Variants in ASB18 observed in about 807,000 individuals in gnomAD.
ASB18 encodes the protein ankyrin repeat and SOCS box protein 18.
Under a neutral mutation model 33.4 loss-of-function variants are expected in ASB18, and 33 were observed. The observed-to-expected ratio is 0.99, with a 90% CI of 0.75 to 1.32. ASB18 has a LOEUF of 1.32. ASB18 is among the 40% of genes most tolerant of loss of function. The pLI is 0.00. For synonymous variants in ASB18, 295 were observed against 307.6 expected, an observed-to-expected ratio of 0.96 and a Z score of 0.43; for missense variants, 694 against 655.5, an observed-to-expected ratio of 1.06 and a Z score of -0.64.
At chr2:236,202,794 A>AAAAAAAT (rs1553599229) in intron 4 of ASB18, among the ~76,000 whole-genome samples, 1 of 117,692 alleles carries the variant, frequency 8.5e-6, no homozygotes, top group Admixed American at 8.6e-5. Flanking sequence ...AAAAAAAAAA[A>AAAAAAAT]ATATATATAT....
In ASB18 at chr2:236,264,224, G is replaced by A. The variant is rs114032546; in HGVS notation, c.122C>T (p.Thr41Met). Residue 41 changes from threonine (T) to methionine (M), a missense_variant, in exon 1 of 6, where the codon ACG becomes ATG. Transcript: ENST00000409749. The surrounding 1 kb of genome is among the most constrained non-coding windows in gnomAD (Gnocchi z 5.1). ...RVRDLICTEI[T>M]PVDAVIELAN... Reference sequence around the variant, plus strand: ...CAGTTCTATCACAGCGTCCACAGGCGTGATTTCAGTGCAGATTAAATCCCT... The same window carrying A: ...CAGTTCTATCACAGCGTCCACAGGCATGATTTCAGTGCAGATTAAATCCCT... The A allele has an allele frequency of 1.2e-3, 1,961 of 1,613,908 alleles. 22 individuals are homozygous for A. In the African/African-American group the frequency reaches 0.023, roughly 19 times the overall value.
At chr2:236,236,736 G>A (rs539011614) in intron 3 of ASB18, among the ~76,000 whole-genome samples, 1 of 152,234 alleles carries the variant, frequency 6.6e-6, no homozygotes, top group South Asian at 2.1e-4. Context: ...AGGACATCCA[G>A]GCAACTTTGA....
chr2:236,243,202 C>T (rs1171361726), intron 1 of ASB18, among the ~76,000 whole-genome samples: 5 of 150,978 alleles, frequency 3.3e-5, no homozygotes, highest in South Asian at 2.1e-4. Context: ...TGGTGGTGGG[C>T]GCCTGTAGTC....
In ASB18 at chr2:236,251,360, T is replaced by C. The variant is rs2060668493; in HGVS notation, c.206-9958A>G. Among the ~76,000 whole-genome samples the C allele has an allele frequency of 6.6e-6, 1 of 152,220 alleles. No individual in the cohort carries two copies. Among genetic ancestry groups the C allele is most frequent in the African/African-American group, 2.4e-5 (1 of 41,460 alleles). ...AGCGTATCATTGAAGCTCTCCCTGA[T>C]AAAGGTGACGAAGTTTCTTTACAAC... On this transcript the variant is annotated intron_variant, in intron 1 of 5. Transcript: ENST00000409749. This position sits in a 1 kb window ranked among gnomAD's most constrained non-coding sequence, Gnocchi z 5.3.
At position 236,200,038 on chromosome 2, in the gene ASB18, C is replaced by G. The variant is rs943270536; in HGVS notation, c.1102-3653G>C. Among the ~76,000 whole-genome samples, 13 of 152,058 alleles carry G rather than the reference C, an allele frequency of 8.5e-5. No individual in the cohort carries two copies. The highest frequency in any genetic ancestry group is 3.1e-4 in the African/African-American group (13 of 41,414). Reference sequence around the variant, plus strand: ...AATTTAGCATTGCATAGATAACAGTCAAGGTCCATTAGAAAAGAGATGGAG... The same window carrying G: ...AATTTAGCATTGCATAGATAACAGTGAAGGTCCATTAGAAAAGAGATGGAG... On this transcript the variant is annotated intron_variant, in intron 4 of 5. Coordinates refer to ENST00000409749, the MANE Select transcript of ASB18 (RefSeq NM_212556.4). This position sits in a 1 kb window ranked among gnomAD's most constrained non-coding sequence, Gnocchi z 4.2.
rs148762047 is a variant in ASB18, at chr2:236,263,620, A to C, written c.205+521T>G. Among the ~76,000 whole-genome samples, 1,633 of 152,330 alleles carry C rather than the reference A, an allele frequency of 0.011. 15 individuals are homozygous for C. The highest frequency in any genetic ancestry group is 0.031 in the Middle Eastern group (9 of 294). The stretch of plus-strand genomic sequence containing the variant: ...GAATTTATGGTAAGGATATAATCCC[A>C]AAAAAGAAAAAAGCCGTATGAATCC... On this transcript the variant is annotated intron_variant, in intron 1 of 5. Coordinates refer to ENST00000409749, the MANE Select transcript of ASB18 (RefSeq NM_212556.4). The surrounding 1 kb of genome is among the most constrained non-coding windows in gnomAD (Gnocchi z 4.0).
At chr2:236,243,307 G>A (rs2060630472) in intron 1 of ASB18, among the ~76,000 whole-genome samples, 1 of 142,040 alleles carries the variant, frequency 7.0e-6, no homozygotes, top group African/African-American at 2.7e-5. Flanking sequence ...TCCAGCCTGG[G>A]CAACAGAGCG....
rs1553602177 is a variant in ASB18, at chr2:236,252,267, T to TGTCACACA, written c.206-10866_206-10865insTGTGTGAC. On this transcript the variant is annotated intron_variant, in intron 1 of 5. Transcript: ENST00000409749. The surrounding 1 kb of genome is among the most constrained non-coding windows in gnomAD (Gnocchi z 7.9). Reference sequence around the variant, plus strand: ...GCCTTGGCAACAGAGTGAGACTCCGTCACACACACACACACACACACACAC... The same window carrying TGTCACACA: ...GCCTTGGCAACAGAGTGAGACTCCGTGTCACACACACACACACACACACACACACACAC... 7.2e-6 allele frequency among the ~76,000 whole-genome samples: 1 copy of TGTCACACA among 138,580 alleles called. No homozygotes were observed. Among genetic ancestry groups the TGTCACACA allele is most frequent in the Admixed American group, 7.4e-5 (1 of 13,498 alleles). 90.9% of individuals were successfully genotyped at this position (138,580 alleles called of 152,430 possible).
In ASB18 at chr2:236,253,552, T is replaced by C. The variant is rs979810538; in HGVS notation, c.205+10589A>G. 1.3e-5 allele frequency among the ~76,000 whole-genome samples: 2 copies of C among 151,492 alleles called. No homozygotes were observed. Among genetic ancestry groups the C allele is most frequent in the Admixed American group, 6.6e-5 (1 of 15,202 alleles). Reference sequence around the variant, plus strand: ...CTGGTTAACTTATTATTATTATTATTATTATTATTATTGTGGTGGGAGATG... The same window carrying C: ...CTGGTTAACTTATTATTATTATTATCATTATTATTATTGTGGTGGGAGATG... On this transcript the variant is annotated intron_variant, in intron 1 of 5. Transcript: ENST00000409749. This position sits in a 1 kb window ranked among gnomAD's most constrained non-coding sequence, Gnocchi z 5.4.
chr2:236,209,619 C>G lies in ASB18; in HGVS notation c.1101+4743G>C, dbSNP rs1198815444. On this transcript the variant is annotated intron_variant, in intron 4 of 5. Coordinates refer to ENST00000409749, the MANE Select transcript of ASB18 (RefSeq NM_212556.4). This position sits in a 1 kb window ranked among gnomAD's most constrained non-coding sequence, Gnocchi z 4.4. ...TCCCCCATGCAAGCTATGTGAATCC[C>G]TTACCTGGACTGCCACCACAGCCTG... Among the ~76,000 whole-genome samples the G allele has an allele frequency of 6.6e-6, 1 of 152,214 alleles. No individual in the cohort carries two copies. The highest frequency in any genetic ancestry group is 1.5e-5 in the Non-Finnish European group (1 of 68,038).
At chr2:236,247,071 T>G (rs544210089) in intron 1 of ASB18, among the ~76,000 whole-genome samples, 2 of 151,334 alleles carry the variant, frequency 1.3e-5, no homozygotes, top group South Asian at 4.2e-4. Context: ...AACAGCTTCC[T>G]AAGTATCCAA....
chr2:236,205,542 C>T lies in ASB18; in HGVS notation c.1101+8820G>A. On this transcript the variant is annotated intron_variant, in intron 4 of 5. Transcript: ENST00000409749. This position sits in a 1 kb window ranked among gnomAD's most constrained non-coding sequence, Gnocchi z 5.4. The stretch of plus-strand genomic sequence containing the variant: ...GTTGATCATGCTCAATATTTAATGC[C>T]TGTCTTCCCCATTAGAATGTAAGCT... Among the ~76,000 whole-genome samples, 1 of 152,226 alleles carries T rather than the reference C, an allele frequency of 6.6e-6. No homozygotes were observed. Among genetic ancestry groups the T allele is most frequent in the African/African-American group, 2.4e-5 (1 of 41,456 alleles).
intron 1 of ASB18, among the ~76,000 whole-genome samples, chr2:236,258,173 C>T (rs1347713624): frequency 1.2e-4 from 18 of 152,278 alleles, no homozygotes; most frequent in Non-Finnish European, 2.4e-4. Context: ...GGCCTTCCTT[C>T]GAAGGCAGGG....
In ASB18 at chr2:236,250,323, A is replaced by G. The variant is rs996159264; in HGVS notation, c.206-8921T>C. On this transcript the variant is annotated intron_variant, in intron 1 of 5. Coordinates refer to ENST00000409749, the MANE Select transcript of ASB18 (RefSeq NM_212556.4). The surrounding 1 kb of genome is among the most constrained non-coding windows in gnomAD (Gnocchi z 4.1). ...TCCATGCCTTCAAGCCAAGAGGTAG[A>G]ATTTTTGAGGCTGCAGGACACCCTG... 6.6e-6 allele frequency: 1 copy of G among 152,208 alleles called. No homozygotes were observed. The highest frequency in any genetic ancestry group is 2.4e-5 in the African/African-American group (1 of 41,456). The allele number at this position is 152,208 out of a possible 1,614,324, so 9.4% of individuals were successfully genotyped here.
intron 3 of ASB18, among the ~76,000 whole-genome samples, chr2:236,230,059 A>G (rs73115980): frequency 0.042 from 6,448 of 152,118 alleles, 260 homozygotes; most frequent in African/African-American, 0.11. Context: ...GACACAGGTG[A>G]TAGAATTAGT....
rs539476127 is a variant in ASB18, at chr2:236,196,715, G to C, written c.1102-330C>G. On this transcript the variant is annotated intron_variant, in intron 4 of 5. Transcript: ENST00000409749. This position sits in a 1 kb window ranked among gnomAD's most constrained non-coding sequence, Gnocchi z 5.6. ...TTGGCAGGCCTCCTTGGCCCCCAGAGAGCTGCTCAGAGAAAAGGAATGAAG... is the reference window on the plus strand; with the variant it reads ...TTGGCAGGCCTCCTTGGCCCCCAGACAGCTGCTCAGAGAAAAGGAATGAAG... Among the ~76,000 whole-genome samples, 1 of 152,336 alleles carries C rather than the reference G, an allele frequency of 6.6e-6. No homozygotes were observed. Among genetic ancestry groups the C allele is most frequent in the Admixed American group, 6.5e-5 (1 of 15,304 alleles).
In ASB18 at chr2:236,253,681, C is replaced by T. The variant is rs1275619346; in HGVS notation, c.205+10460G>A. 1 of 152,140 alleles carries T rather than the reference C, an allele frequency of 6.6e-6. No homozygotes were observed. The highest frequency in any genetic ancestry group is 2.4e-5 in the African/African-American group (1 of 41,434). The allele number at this position is 152,140 out of a possible 1,614,324, so 9.4% of individuals were successfully genotyped here. A position where few individuals can be genotyped will look rare whatever the true frequency, so the allele number is the denominator to read the frequency against. ...GGGATTACAGGTCTGAGCTACTTCA[C>T]CTGGTCTGATTCTCTTTCAAAATAC... On this transcript the variant is annotated intron_variant, in intron 1 of 5. Transcript: ENST00000409749. This position sits in a 1 kb window ranked among gnomAD's most constrained non-coding sequence, Gnocchi z 5.4.
At position 236,214,657 on chromosome 2, in the gene ASB18, TGCTCGTCGGGCCTC is replaced by T; in HGVS notation, c.792_805del (p.Pro266AlafsTer131). 2.6e-6 allele frequency: 3 copies of T among 1,153,672 alleles called. No individual in the cohort carries two copies. Among genetic ancestry groups the T allele is most frequent in the Non-Finnish European group, 3.2e-6 (3 of 939,388 alleles). The allele number at this position is 1,153,672 out of a possible 1,614,324, so 71.5% of individuals were successfully genotyped here. On this transcript the variant is annotated frameshift_variant, in exon 4 of 6. Transcript: ENST00000409749. LOFTEE classifies it high-confidence loss of function. The surrounding 1 kb of genome is among the most constrained non-coding windows in gnomAD (Gnocchi z 6.5). ...CGCGCACAGGCGCAGGCAGCGCCCG[TGCTCGTCGGGCCTC>T]CGCGCCGCACCGCAGGCCGCGCTCA...
chr2:236,218,669 G>A (rs1434378967), intron 3 of ASB18, among the ~76,000 whole-genome samples: 1 of 151,684 alleles, frequency 6.6e-6, no homozygotes, highest in African/African-American at 2.4e-5. Flanking sequence ...GTGGTGGTGG[G>A]TGCATGTAGT....
Sources: gnomAD v4.1 joint callset for allele counts (sites outside exome capture counted in the v4.1 genomes callset) on GRCh38, gnomAD v4.1.1 for gene constraint, Gnocchi (gnomAD v3.1) non-coding constraint, MANE v1.5 for transcripts, NCBI Gene and HGNC (gene_info 2026-07-23, HGNC 2026-07-21) for gene names.